Variants in SYT13 observed in about 807,000 individuals in gnomAD.
The protein encoded by SYT13 is synaptotagmin-13.
SYT13 carries 21 observed loss-of-function variants against 38.6 expected under a neutral mutation model. The observed-to-expected ratio is 0.54, with a 90% CI of 0.39 to 0.78. The LOEUF is 0.78. Ranked by LOEUF, SYT13 falls within the 30% of genes least tolerant of loss-of-function variation. The pLI is 0.00. For synonymous variants in SYT13, 241 were observed against 237.6 expected, an observed-to-expected ratio of 1.01 and a Z score of -0.13; for missense variants, 495 against 548.7, an observed-to-expected ratio of 0.90 and a Z score of 0.98.
Position 45,244,091 on chromosome 11 carries a change from A to G in SYT13, c.1242T>C (p.Pro414=), listed in dbSNP as rs1854585402. The G allele has an allele frequency of 6.2e-7, 1 of 1,609,700 alleles. No individual in the cohort carries two copies. The highest frequency in any genetic ancestry group is 8.5e-7 in the Non-Finnish European group (1 of 1,178,984). ...RSHWEEMLKN[P]RRQIAMWHQL... is the part of the protein sequence containing the mutation. The stretch of plus-strand genomic sequence containing the variant: ...GGTGCCACATGGCAATCTGCCGGCG[A>G]GGGTTTTTGAGCATCTCCTCCCAGT... The change falls in exon 6 of 6, where the codon CCT becomes CCC. Residue 414 remains proline, a synonymous_variant. Coordinates refer to ENST00000020926, the MANE Select transcript of SYT13 (RefSeq NM_020826.3).
intron 1 of SYT13, among the ~76,000 whole-genome samples, chr11:45,283,073 A>C (rs1256612250): frequency 6.6e-6 from 1 of 152,208 alleles, no homozygotes; most frequent in Non-Finnish European, 1.5e-5. Context: ...ACCTGAGCCC[A>C]GGAAGTCAAG....
intron 1 of SYT13, among the ~76,000 whole-genome samples, chr11:45,282,845 C>T (rs909895780): frequency 2.0e-5 from 3 of 152,098 alleles, no homozygotes; most frequent in African/African-American, 7.2e-5. Flanking sequence ...GGTTTGTGGA[C>T]CCAGATTAAG....
intron 1 of SYT13, chr11:45,269,318 A>AT (rs1854921020): frequency 1.6e-6 from 1 of 629,156 alleles, no homozygotes; most frequent in Non-Finnish European, 2.2e-6. Flanking sequence ...TAAAACAATT[A>AT]TTAAAAAAAC....
chr11:45,258,244 T>G (rs1394981235), intron 1 of SYT13: 2 of 152,166 alleles, frequency 1.3e-5, no homozygotes, highest in Non-Finnish European at 2.9e-5. Context: ...TCAAAAACAT[T>G]TATCATTATC....
chr11:45,254,005 G>A (rs1008533391), intron 3 of SYT13: 1 of 311,322 alleles, frequency 3.2e-6, no homozygotes, highest in Non-Finnish European at 5.8e-6. Context: ...GGAGAGGGGG[G>A]TTATGGAGCC....
chr11:45,267,803 C>T (rs981810518), intron 1 of SYT13, among the ~76,000 whole-genome samples: 22 of 152,130 alleles, frequency 1.4e-4, no homozygotes, highest in African/African-American at 4.8e-4. Flanking sequence ...GTTCACTCTG[C>T]AAAGGGGAAA....
chr11:45,269,414 T>C, intron 1 of SYT13: 1 of 1,219,284 alleles, frequency 8.2e-7, no homozygotes, highest in Admixed American at 3.3e-5. Flanking sequence ...TACCTAGAGA[T>C]TTCCTTCTTG....
intron 1 of SYT13, among the ~76,000 whole-genome samples, chr11:45,273,866 T>A (rs1854979251): frequency 6.6e-6 from 1 of 152,270 alleles, no homozygotes; most frequent in Admixed American, 6.5e-5. Context: ...GTCATTGCTT[T>A]GGTAAAGGAT....
At position 45,286,125 on chromosome 11, in the gene SYT13, C is replaced by T; in HGVS notation, c.83G>A (p.Cys28Tyr). ...CTTGGGGTGCATGTGCCGACACAGGCAGGTGACCCCGCACAACGCGAGGAT... is the reference window on the plus strand; with the variant it reads ...CTTGGGGTGCATGTGCCGACACAGGTAGGTGACCCCGCACAACGCGAGGAT... Reference protein sequence around the residue: ...TSILALCGVTCLCRHMHPKKG... With the variant: ...TSILALCGVTYLCRHMHPKKG... Residue 28 changes from cysteine (C) to tyrosine (Y), a missense_variant, in exon 1 of 6, where the codon TGC (cysteine) becomes TAC (tyrosine). Physicochemically the swap from Cys to Tyr is radical, Grantham distance 194 (BLOSUM62 -2). Coordinates refer to ENST00000020926, the MANE Select transcript of SYT13 (RefSeq NM_020826.3). 1.3e-6 allele frequency: 2 copies of T among 1,599,886 alleles called. No homozygotes were observed. The highest frequency in any genetic ancestry group is 1.7e-6 in the Non-Finnish European group (2 of 1,175,548).
At chr11:45,270,597 ATC>A (rs1338995499) in intron 1 of SYT13, among the ~76,000 whole-genome samples, 6 of 152,340 alleles carry the variant, frequency 3.9e-5, no homozygotes, top group Non-Finnish European at 8.8e-5. Context: ...ATTCAAGGTT[ATC>A]CTTATAATAA....
At chr11:45,245,085 A>C (rs77613825) in intron 5 of SYT13, among the ~76,000 whole-genome samples, 33 of 152,302 alleles carry the variant, frequency 2.2e-4, no homozygotes, top group African/African-American at 7.9e-4. Flanking sequence ...CGTACTTTTT[A>C]AAGTTTTATT....
chr11:45,286,296 C>A lies in SYT13; in HGVS notation c.-89G>T, dbSNP rs879103741. 26 of 1,400,230 alleles carry A rather than the reference C, an allele frequency of 1.9e-5. No homozygotes were observed. Among genetic ancestry groups the A allele is most frequent in the Non-Finnish European group, 2.3e-5 (25 of 1,069,710 alleles). The allele number at this position is 1,400,230 out of a possible 1,614,324, so 86.7% of individuals were successfully genotyped here. Reference sequence around the variant, plus strand: ...CTCCAGGCAGCTCCCGGGATCCGGGCGAGCCAGCAGCTCTCCCGCCGCCAG... The same window carrying A: ...CTCCAGGCAGCTCCCGGGATCCGGGAGAGCCAGCAGCTCTCCCGCCGCCAG... On this transcript the variant is annotated 5_prime_UTR_variant, in exon 1 of 6. Coordinates refer to ENST00000020926, the MANE Select transcript of SYT13 (RefSeq NM_020826.3).
At chr11:45,247,243 A>C (rs1854624613) in intron 4 of SYT13, among the ~76,000 whole-genome samples, 1 of 151,900 alleles carries the variant, frequency 6.6e-6, no homozygotes. Flanking sequence ...TGACCGAAAG[A>C]CCCCTCCTAG....
chr11:45,248,834 C>G (rs1854642259), intron 4 of SYT13, among the ~76,000 whole-genome samples: 1 of 152,234 alleles, frequency 6.6e-6, no homozygotes, highest in African/African-American at 2.4e-5. Flanking sequence ...AGGGTGAGGT[C>G]TAACTAGCCT....
chr11:45,269,619 C>T, intron 1 of SYT13: 1 of 472,980 alleles, frequency 2.1e-6, no homozygotes, highest in Non-Finnish European at 3.4e-6. Flanking sequence ...AAAAAATAAC[C>T]TAATTATTTT....
chr11:45,246,520 A>G lies in SYT13; in HGVS notation c.847-8T>C, dbSNP rs1249684491. On this transcript the variant is annotated splice_polypyrimidine_tract_variant and splice_region_variant and intron_variant, in intron 4 of 5. Transcript: ENST00000020926. ...AGCTCCTGCAGATGGCTCCTGAAACAGAAAAGGAGATGCAGGAGGGGAGTC... is the reference window on the plus strand; with the variant it reads ...AGCTCCTGCAGATGGCTCCTGAAACGGAAAAGGAGATGCAGGAGGGGAGTC... 8.1e-6 allele frequency: 13 copies of G among 1,613,578 alleles called. No homozygotes were observed. The highest frequency in any genetic ancestry group is 1.1e-5 in the Non-Finnish European group (13 of 1,179,832).
At chr11:45,245,102 C>A (rs1327564968) in intron 5 of SYT13, among the ~76,000 whole-genome samples, 4 of 152,162 alleles carry the variant, frequency 2.6e-5, no homozygotes, top group Non-Finnish European at 5.9e-5. Context: ...TATTTGAAGA[C>A]CCCCAACTTC....
intron 1 of SYT13, among the ~76,000 whole-genome samples, chr11:45,266,805 G>A (rs768386698): frequency 1.2e-4 from 19 of 152,176 alleles, no homozygotes; most frequent in Non-Finnish European, 2.4e-4. Flanking sequence ...CTTCTGTAGA[G>A]GAAGGCACAC....
At chr11:45,255,588 C>T in intron 2 of SYT13, 78 bp downstream of exon 2, 1 of 1,420,498 alleles carries the variant, frequency 7.0e-7, no homozygotes, top group Non-Finnish European at 9.6e-7. Context: ...CATCAGGCCA[C>T]ACACAGCATC....
Sources: gnomAD v4.1 joint callset for allele counts (sites outside exome capture counted in the v4.1 genomes callset) on GRCh38, gnomAD v4.1.1 for gene constraint, MANE v1.5 for transcripts, NCBI Gene and HGNC (gene_info 2026-07-23, HGNC 2026-07-21) for gene names.